The following TMEM135 variants were observed in gnomAD, a reference collection of about 807,000 sequenced individuals.
TMEM135 encodes the protein transmembrane protein 135.
TMEM135 carries 30 observed loss-of-function variants against 60.3 expected under a neutral mutation model. The ratio of observed to expected loss-of-function variants is 0.50; its 90% CI spans 0.37 to 0.68. The LOEUF is 0.68. Ranked by LOEUF, TMEM135 falls within the 30% of genes least tolerant of loss-of-function variation. The pLI is 0.00. For synonymous variants in TMEM135, 190 were observed against 186.7 expected (o/e 1.02, Z -0.14); for missense variants, 468 against 548.8 (o/e 0.85, Z 1.47).
intron 1 of TMEM135, among the ~76,000 whole-genome samples, chr11:87,060,596 A>G (rs1949936188): frequency 1.3e-5 from 2 of 151,868 alleles, no homozygotes; most frequent in South Asian, 2.1e-4. Flanking sequence ...CTCTGCCTGT[A>G]TCAGTCACCT....
chr11:87,197,344 C>T (rs181337556), intron 5 of TMEM135, among the ~76,000 whole-genome samples: 2 of 152,122 alleles, frequency 1.3e-5, no homozygotes, highest in East Asian at 1.9e-4. Context: ...ACGTATCAGA[C>T]TCTCATACAG....
chr11:87,043,600 G>A (rs1223975740), intron 1 of TMEM135, among the ~76,000 whole-genome samples: 1 of 152,014 alleles, frequency 6.6e-6, no homozygotes, highest in African/African-American at 2.4e-5. Context: ...GTGTGCACCT[G>A]TAGTCCCAGC....
intron 1 of TMEM135, among the ~76,000 whole-genome samples, chr11:87,066,715 T>C (rs895542795): frequency 6.6e-6 from 1 of 152,000 alleles, no homozygotes; most frequent in African/African-American, 2.4e-5. Context: ...TCTTTTGTAT[T>C]GGGACTTATT....
chr11:87,178,627 T>C (rs555118856), intron 5 of TMEM135: 5 of 400,210 alleles, frequency 1.2e-5, no homozygotes, highest in African/African-American at 1.0e-4. Flanking sequence ...GATTTCACCA[T>C]GTTGGCCAGG....
chr11:87,087,080 G>A (rs1405011584), intron 3 of TMEM135, among the ~76,000 whole-genome samples: 1 of 152,144 alleles, frequency 6.6e-6, no homozygotes, highest in Admixed American at 6.5e-5. Flanking sequence ...TGAGGCTCCG[G>A]TTGCATGACT....
chr11:87,159,617 A>ACACACACACACACACACACCCCCCC (rs140303858), intron 5 of TMEM135, among the ~76,000 whole-genome samples: 22 of 149,458 alleles, frequency 1.5e-4, no homozygotes, highest in African/African-American at 5.0e-4. Context: ...ACACACACAC[A>ACACACACACACACACACACCCCCCC]CCATAGATTT....
At position 87,323,340 on chromosome 11, in the gene TMEM135, G is replaced by T; in HGVS notation, c.*2007G>T. 1 of 453,948 alleles carries T rather than the reference G, an allele frequency of 2.2e-6. No individual in the cohort carries two copies. Among genetic ancestry groups the T allele is most frequent in the South Asian group, 1.6e-5 (1 of 64,466 alleles). The allele number at this position is 453,948 out of a possible 1,614,324, so 28.1% of individuals were successfully genotyped here. On this transcript the variant is annotated 3_prime_UTR_variant, in exon 15 of 15. Transcript: ENST00000305494. ...GTTGAGTGAATAACCAATTTGCAGT[G>T]GTGGATTGAGAAGTCCAGTTTGATT...
intron 5 of TMEM135, among the ~76,000 whole-genome samples, chr11:87,224,498 TA>T (rs1313784470): frequency 1.3e-5 from 2 of 152,218 alleles, no homozygotes; most frequent in Non-Finnish European, 2.9e-5. Context: ...CTTATTTATT[TA>T]TTTTTTTAAT....
At chr11:87,277,304 G>C (rs1298528485) in intron 6 of TMEM135, 1 of 375,704 alleles carries the variant, frequency 2.7e-6, no homozygotes, top group African/African-American at 2.2e-5. Flanking sequence ...GCTAATTTTT[G>C]TATTTTTGTA....
intron 4 of TMEM135, among the ~76,000 whole-genome samples, chr11:87,102,085 C>G (rs1425997621): frequency 6.6e-6 from 1 of 152,224 alleles, no homozygotes; most frequent in African/African-American, 2.4e-5. Flanking sequence ...CTCTGGCAGA[C>G]ACCAGCTTAG....
At chr11:87,282,150 G>T (rs565897149) in intron 6 of TMEM135, among the ~76,000 whole-genome samples, 2 of 152,256 alleles carry the variant, frequency 1.3e-5, no homozygotes, top group South Asian at 4.2e-4. Flanking sequence ...TTATGAAGGG[G>T]AGGTGGATAA....
chr11:87,234,433 G>T (rs1170148521), intron 5 of TMEM135, among the ~76,000 whole-genome samples: 4 of 151,982 alleles, frequency 2.6e-5, no homozygotes, highest in Non-Finnish European at 5.9e-5. Flanking sequence ...TCAGTCAATT[G>T]CACTGTAATA....
At chr11:87,229,334 A>C (rs1940836839) in intron 5 of TMEM135, among the ~76,000 whole-genome samples, 1 of 145,898 alleles carries the variant, frequency 6.9e-6, no homozygotes, top group Admixed American at 6.9e-5. Flanking sequence ...CCAACCAAAA[A>C]AACAAACAAA....
chr11:87,105,388 C>T (rs1343421860), intron 4 of TMEM135, among the ~76,000 whole-genome samples: 1 of 152,154 alleles, frequency 6.6e-6, no homozygotes, highest in Admixed American at 6.5e-5. Flanking sequence ...AGGTTGCATG[C>T]TTCTTATGAT....
intron 4 of TMEM135, among the ~76,000 whole-genome samples, chr11:87,150,036 G>A (rs574551537): frequency 6.6e-6 from 1 of 152,112 alleles, no homozygotes; most frequent in Admixed American, 6.5e-5. Context: ...TGACTAACAT[G>A]GTGAAACCTG....
chr11:87,145,722 G>A (rs750060154), intron 4 of TMEM135, among the ~76,000 whole-genome samples: 18 of 151,282 alleles, frequency 1.2e-4, no homozygotes, highest in Non-Finnish European at 1.6e-4. Context: ...CCATTTGTAC[G>A]TCTTCTTTTG....
At chr11:87,234,939 T>TTTCTTTCACACACTAGAAG (rs1940963578) in intron 5 of TMEM135, among the ~76,000 whole-genome samples, 1 of 151,900 alleles carries the variant, frequency 6.6e-6, no homozygotes. Context: ...TGTGAAAGAT[T>TTTCTTTCACACACTAGAAG]TGTGGGATAC....
chr11:87,277,257 G>C (rs756302367), intron 6 of TMEM135: 1 of 380,040 alleles, frequency 2.6e-6, no homozygotes, highest in South Asian at 1.9e-5. Context: ...TCAGCCACCT[G>C]AGTAGCTGGG....
chr11:87,207,657 C>T (rs1441337944), intron 5 of TMEM135, among the ~76,000 whole-genome samples: 1 of 152,142 alleles, frequency 6.6e-6, no homozygotes, highest in African/African-American at 2.4e-5. Flanking sequence ...CATTCTTAGT[C>T]CCATTTAATA....
Sources: gnomAD v4.1 joint callset for allele counts (sites outside exome capture counted in the v4.1 genomes callset) on GRCh38, gnomAD v4.1.1 for gene constraint, MANE v1.5 for transcripts, NCBI Gene and HGNC (gene_info 2026-07-23, HGNC 2026-07-21) for gene names.